ABLIM1: variants seen among roughly 807,000 people sequenced by gnomAD.
ABLIM1 encodes the protein actin binding LIM protein 1.
In ABLIM1, 40 loss-of-function variants were observed where a neutral mutation model predicts 107.0. The observed-to-expected ratio is 0.37, with a 90% confidence interval of 0.29 to 0.49. The LOEUF (loss-of-function observed/expected upper bound fraction) is 0.49. ABLIM1 is among the 20% of genes least tolerant of loss of function. ABLIM1 has a pLI of 0.97. For missense variants in ABLIM1, 857 were observed against 1,008.5 expected, an observed-to-expected ratio of 0.85 and a Z score of 2.04; for synonymous variants, 357 against 357.3, an observed-to-expected ratio of 1.00 and a Z score of 0.01.
At chr10:114,761,839 CT>C (rs968274725) in intron 1 of ABLIM1, among the ~76,000 whole-genome samples, 3 of 152,118 alleles carry the variant, frequency 2.0e-5, no homozygotes, top group African/African-American at 7.2e-5. Context: ...CCATCCTATT[CT>C]TTTTTACCTG....
chr10:114,786,216 GAACT>G, the ABLIM1 span, among the ~76,000 whole-genome samples: 1 of 152,110 alleles, frequency 6.6e-6, no homozygotes, highest in Non-Finnish European at 1.5e-5. Flanking sequence ...AATACTATTT[GAACT>G]AACAGAGTAT....
At position 114,763,036 on chromosome 10, in the gene ABLIM1, T is replaced by C. The variant is rs144948896; in HGVS notation, c.-213+5025A>G. Among the ~76,000 whole-genome samples, 1,163 of 152,334 alleles carry C rather than the reference T, an allele frequency of 7.6e-3. 11 individuals carry two copies. The highest frequency in any genetic ancestry group is 0.027 in the African/African-American group (1,115 of 41,578). On this transcript the variant is annotated intron_variant, in intron 1 of 15. Coordinates refer to the ABLIM1 transcript ENST00000651092. ...TTCCCTGCCAGTGCAATGGAATCTATCCACACACACCTGGGCCTTTTTCCT... is the reference window on the plus strand; with the variant it reads ...TTCCCTGCCAGTGCAATGGAATCTACCCACACACACCTGGGCCTTTTTCCT...
At chr10:114,520,958 A>T (rs1466593271) in intron 6 of ABLIM1, among the ~76,000 whole-genome samples, 3 of 152,226 alleles carry the variant, frequency 2.0e-5, no homozygotes. Flanking sequence ...TCTGGACAAC[A>T]GAGTGAGACC....
At chr10:114,534,237 C>A (rs1166541549) in intron 6 of ABLIM1, among the ~76,000 whole-genome samples, 1 of 152,054 alleles carries the variant, frequency 6.6e-6, no homozygotes, top group Non-Finnish European at 1.5e-5. Flanking sequence ...TGCTCTGGGT[C>A]CCTGAGAAAG....
rs2059647959 is a variant in ABLIM1 at position 114,437,864 on chromosome 10, C to T, written c.2203G>A (p.Val735Met). ...NRGRNKILRE[V>M]DRTRLERHLA... ...TTTACCTCCAGCCTGGTTCTGTCCA[C>T]CTCTCTGAGGATTTTGTTTCGCCCT... The change falls in exon 22 of 23, where the codon GTG becomes ATG. Residue 735 changes from valine to methionine, a missense_variant. This residue lies in a region of ABLIM1 where 193 missense variants were observed against 208.5 expected (regional missense o/e 0.93). Transcript: ENST00000533213. The T allele has an allele frequency of 6.2e-7, 1 of 1,614,104 alleles. No individual in the cohort carries two copies. Among genetic ancestry groups the T allele is most frequent in the Non-Finnish European group, 8.5e-7 (1 of 1,180,024 alleles).
At chr10:114,668,303 A>G (rs2080109419) in intron 1 of ABLIM1, among the ~76,000 whole-genome samples, 1 of 152,128 alleles carries the variant, frequency 6.6e-6, no homozygotes, top group African/African-American at 2.4e-5. Context: ...AGACAGGGAT[A>G]TTAGTAGATA....
chr10:114,532,637 G>A (rs1006967219), intron 6 of ABLIM1, among the ~76,000 whole-genome samples: 1 of 152,218 alleles, frequency 6.6e-6, no homozygotes, highest in African/African-American at 2.4e-5. Context: ...GTGCCCGGAA[G>A]AGAAATTATT....
chr10:114,567,141 G>A (rs781129639), intron 4 of ABLIM1, among the ~76,000 whole-genome samples: 2 of 152,218 alleles, frequency 1.3e-5, no homozygotes, highest in Non-Finnish European at 2.9e-5. Context: ...CACAGCTCTT[G>A]GAGTCAGGGC....
intron 1 of ABLIM1, among the ~76,000 whole-genome samples, chr10:114,650,744 C>T (rs1201842066): frequency 2.0e-5 from 3 of 152,070 alleles, no homozygotes; most frequent in African/African-American, 4.8e-5. Flanking sequence ...CAGCTCAAAT[C>T]GCAAATCCTA....
intron 2 of ABLIM1, among the ~76,000 whole-genome samples, chr10:114,600,953 A>C (rs2075923797): frequency 6.6e-6 from 1 of 152,062 alleles, no homozygotes; most frequent in Non-Finnish European, 1.5e-5. Flanking sequence ...TAGGCTTGTT[A>C]ATGGAAATCA....
At chr10:114,561,826 C>T (rs2069750605) in intron 4 of ABLIM1, among the ~76,000 whole-genome samples, 1 of 152,178 alleles carries the variant, frequency 6.6e-6, no homozygotes, top group Non-Finnish European at 1.5e-5. Flanking sequence ...CTACTGAAAG[C>T]ACTTTTAAAT....
Position 114,707,739 on chromosome 10 carries a change from A to C in ABLIM1, c.-213+60322T>G, listed in dbSNP as rs961955682. Among the ~76,000 whole-genome samples the C allele has an allele frequency of 1.3e-5, 2 of 152,020 alleles. No individual in the cohort carries two copies. The highest frequency in any genetic ancestry group is 2.9e-5 in the Non-Finnish European group (2 of 68,002). ...ACATGGTGAAAACACGGTCTCTACT[A>C]AAAATACAAAAATTAGCCAGGCGTG... is the stretch of plus-strand genomic sequence containing the variant. On this transcript the variant is annotated intron_variant, in intron 1 of 15. Transcript: ENST00000651092. The surrounding 1 kb of genome is among the most constrained non-coding windows in gnomAD (Gnocchi z 4.1).
At chr10:114,731,538 T>G (rs899728548) in intron 1 of ABLIM1, among the ~76,000 whole-genome samples, 2 of 151,788 alleles carry the variant, frequency 1.3e-5, no homozygotes, top group African/African-American at 4.8e-5. Context: ...CTTGGCTCAC[T>G]GCAACCTCCA....
intron 12 of ABLIM1, among the ~76,000 whole-genome samples, chr10:114,462,790 T>C (rs2064223676): frequency 6.6e-6 from 1 of 151,980 alleles, no homozygotes; most frequent in African/African-American, 2.4e-5. Context: ...TTCAAAGTAG[T>C]GGATAATAAA....
At chr10:114,650,106 C>T (rs1392444307) in intron 1 of ABLIM1, among the ~76,000 whole-genome samples, 2 of 152,186 alleles carry the variant, frequency 1.3e-5, no homozygotes, top group African/African-American at 2.4e-5. Context: ...TCACCCATCT[C>T]GGCCTCCCAA....
At chr10:114,478,710 C>T (rs964725074) in intron 8 of ABLIM1, among the ~76,000 whole-genome samples, 2 of 152,162 alleles carry the variant, frequency 1.3e-5, no homozygotes, top group Non-Finnish European at 2.9e-5. Flanking sequence ...TAAATTACCC[C>T]GTCTTGGGCA....
chr10:114,584,367 C>A (rs2073963292), intron 2 of ABLIM1, among the ~76,000 whole-genome samples: 1 of 152,132 alleles, frequency 6.6e-6, no homozygotes, highest in Admixed American at 6.6e-5. Flanking sequence ...AGATGTTAGT[C>A]TATTCATCAA....
chr10:114,644,331 G>GTATATAT (rs1566167105), intron 1 of ABLIM1, among the ~76,000 whole-genome samples: 1 of 86,662 alleles, frequency 1.2e-5, no homozygotes, highest in African/African-American at 4.8e-5. Context: ...ATATATATAT[G>GTATATAT]TGTATATATT....
At chr10:114,527,239 A>T (rs996768804) in intron 6 of ABLIM1, among the ~76,000 whole-genome samples, 2 of 152,172 alleles carry the variant, frequency 1.3e-5, no homozygotes, top group Non-Finnish European at 2.9e-5. Flanking sequence ...TTTGAGGTAC[A>T]TGTAAGGAAC....
Sources: allele counts gnomAD v4.1 joint callset (sites outside exome capture counted in the v4.1 genomes callset), GRCh38; gene constraint gnomAD v4.1.1; regional missense constraint gnomAD v4.1.1; non-coding constraint Gnocchi (gnomAD v3.1); transcripts MANE v1.5; gene names NCBI Gene and HGNC (gene_info 2026-07-23, HGNC 2026-07-21).